The following SLC6A3 variants were observed in gnomAD, a reference collection of about 807,000 sequenced individuals.
SLC6A3 encodes solute carrier family 6 member 3.
SLC6A3 carries 19 observed loss-of-function variants against 70.4 expected under a neutral mutation model. That is an observed-to-expected ratio of 0.27 (90% confidence interval 0.19 to 0.40). The LOEUF (loss-of-function observed/expected upper bound fraction) is 0.40, where lower values mean the gene tolerates loss of function less well. SLC6A3 is among the 10% of genes least tolerant of loss of function. The pLI, the probability that SLC6A3 is intolerant of heterozygous loss-of-function variation, is 1.00. For synonymous variants in SLC6A3, 368 were observed against 356.6 expected (o/e 1.03, Z -0.36); for missense variants, 613 against 838.5 (o/e 0.73, Z 3.32).
At position 1,402,806 on chromosome 5, in the gene SLC6A3, G is replaced by T. The variant is rs1755880686; in HGVS notation, c.1767+116C>A. On this transcript the variant is annotated intron_variant, in intron 13 of 14. Transcript: ENST00000270349. This position sits in a 1 kb window ranked among gnomAD's most constrained non-coding sequence, Gnocchi z 8.5. ...CACAGTGTTGTGGTGGCCACCTCCA[G>T]TCTCCTCCTCTTGGTCACAGATGAC... The T allele has an allele frequency of 2.8e-6, 3 of 1,082,870 alleles. No homozygotes were observed. The highest frequency in any genetic ancestry group is 3.1e-5 in the African/African-American group (2 of 63,902). 67.1% of individuals were successfully genotyped at this position (1,082,870 alleles called of 1,614,324 possible).
intron 14 of SLC6A3, among the ~76,000 whole-genome samples, chr5:1,400,150 G>T (rs565418711): frequency 1.5e-4 from 23 of 152,346 alleles, no homozygotes; most frequent in African/African-American, 5.5e-4. Context: ...ATGGAATCAG[G>T]TCGGGGCTGA....
chr5:1,401,038 G>T lies in SLC6A3; in HGVS notation c.1768-52C>A. Reference sequence around the variant, plus strand: ...CAGTGCAGACCAGTACCCACTGCCAGCACCCACCACTGACTCACACTGCCA... The same window carrying T: ...CAGTGCAGACCAGTACCCACTGCCATCACCCACCACTGACTCACACTGCCA... On this transcript the variant is annotated intron_variant, in intron 13 of 14. Coordinates refer to ENST00000270349, the MANE Select transcript of SLC6A3 (RefSeq NM_001044.5). This position sits in a 1 kb window ranked among gnomAD's most constrained non-coding sequence, Gnocchi z 6.1. The T allele has an allele frequency of 7.3e-7, 1 of 1,365,536 alleles. No homozygotes were observed. Among genetic ancestry groups the T allele is most frequent in the Non-Finnish European group, 1.0e-6 (1 of 973,448 alleles). The allele number at this position is 1,365,536 out of a possible 1,614,324, so 84.6% of individuals were successfully genotyped here.
chr5:1,444,893 G>C (rs963355624), intron 1 of SLC6A3, among the ~76,000 whole-genome samples: 1 of 152,126 alleles, frequency 6.6e-6, no homozygotes, highest in South Asian at 2.1e-4. Context: ...GCACCAGCGC[G>C]CAGCCCGCGC....
chr5:1,425,169 A>G (rs372103284), intron 4 of SLC6A3, among the ~76,000 whole-genome samples: 34 of 152,318 alleles, frequency 2.2e-4, no homozygotes, highest in African/African-American at 7.9e-4. Context: ...ATTCCTGGCC[A>G]TGATTCAATT....
chr5:1,405,437 A>T lies in SLC6A3; in HGVS notation c.1599+751T>A, dbSNP rs1755949542. Among the ~76,000 whole-genome samples the T allele has an allele frequency of 6.6e-6, 1 of 151,944 alleles. No individual in the cohort carries two copies. Among genetic ancestry groups the T allele is most frequent in the Non-Finnish European group, 1.5e-5 (1 of 67,964 alleles). On this transcript the variant is annotated intron_variant, in intron 12 of 14. Coordinates refer to ENST00000270349, the MANE Select transcript of SLC6A3 (RefSeq NM_001044.5). The surrounding 1 kb of genome is among the most constrained non-coding windows in gnomAD (Gnocchi z 5.3). ...AGTCCCCTGCCCTGTTCCAGTCCCCACCTCGTGCCTGCTGGACTCGGGAGG... is the reference window on the plus strand; with the variant it reads ...AGTCCCCTGCCCTGTTCCAGTCCCCTCCTCGTGCCTGCTGGACTCGGGAGG...
intron 2 of SLC6A3, among the ~76,000 whole-genome samples, chr5:1,441,916 C>T (rs1733682082): frequency 6.6e-6 from 1 of 152,182 alleles, no homozygotes; most frequent in Non-Finnish European, 1.5e-5. Flanking sequence ...GTGGGCCCTG[C>T]CGTCCTGTCC....
chr5:1,411,313 G>C lies in SLC6A3; in HGVS notation c.1199C>G (p.Thr400Arg). Residue 400 changes from threonine (T) to arginine (R), a missense_variant, in exon 9 of 15, where the codon ACG becomes AGG. Thr to Arg is a moderately conservative substitution (Grantham distance 71). This residue lies in a region of SLC6A3 where 348 missense variants were observed against 481.2 expected (regional missense o/e 0.72). Coordinates refer to ENST00000270349, the MANE Select transcript of SLC6A3 (RefSeq NM_001044.5). This position sits in a 1 kb window ranked among gnomAD's most constrained non-coding sequence, Gnocchi z 6.5. ...IFIIYPEAIA[T>R]LPLSSAWAVV... ...GGCCCAGGCTGAGGACAGAGGGAGC[G>C]TGGCGATGGCTTCCGGGTAGATGAT... 1 of 1,554,176 alleles carries C rather than the reference G, an allele frequency of 6.4e-7. No individual in the cohort carries two copies. The highest frequency in any genetic ancestry group is 8.7e-7 in the Non-Finnish European group (1 of 1,148,714).
intron 4 of SLC6A3, among the ~76,000 whole-genome samples, chr5:1,425,354 T>C (rs1322525898): frequency 6.6e-6 from 1 of 152,228 alleles, no homozygotes; most frequent in Non-Finnish European, 1.5e-5. Flanking sequence ...TAACTTCCTA[T>C]TAGAACAAAT....
Position 1,393,189 on chromosome 5 carries a change from GCCATGACTGGCCCTGCACGGCCC to G in SLC6A3, c.*1523_*1545del, listed in dbSNP as rs1755622159. The stretch of plus-strand genomic sequence containing the variant: ...AGCCCACGTCCACTTGCAGGGGACA[GCCATGACTGGCCCTGCACGGCCC>G]CTGCCCTCGGGCAGCACGTAGGCAG... On this transcript the variant is annotated 3_prime_UTR_variant, in exon 15 of 15. Coordinates refer to ENST00000270349, the MANE Select transcript of SLC6A3 (RefSeq NM_001044.5). 6.6e-6 allele frequency: 1 copy of G among 152,224 alleles called. No individual in the cohort carries two copies. Among genetic ancestry groups the G allele is most frequent in the Non-Finnish European group, 1.5e-5 (1 of 68,050 alleles). 9.4% of individuals were successfully genotyped at this position (152,224 alleles called of 1,614,324 possible). A position where few individuals can be genotyped will look rare whatever the true frequency, so the allele number is the denominator to read the frequency against.
At chr5:1,429,184 T>A (rs1756639709) in intron 4 of SLC6A3, among the ~76,000 whole-genome samples, 1 of 152,204 alleles carries the variant, frequency 6.6e-6, no homozygotes, top group South Asian at 2.1e-4. Context: ...CCTGAGTACG[T>A]TATGACTGTC....
rs1169993305 is a variant in SLC6A3, at chr5:1,441,458, C to A, written c.319G>T (p.Val107Phe). The A allele has an allele frequency of 6.2e-7, 1 of 1,614,220 alleles. No homozygotes were observed. The highest frequency in any genetic ancestry group is 8.5e-7 in the Non-Finnish European group (1 of 1,180,024). The change falls in exon 3 of 15, where the codon GTC becomes TTC. Residue 107 changes from valine (V) to phenylalanine (F), a missense_variant. Val to Phe is a conservative substitution (Grantham distance 50, BLOSUM62 -1). Around this residue, in one of 4 missense-constraint regions of SLC6A3, gnomAD observed 153 missense variants for 249.4 expected, o/e 0.61. Transcript: ENST00000270349. ...TAGAAAAGTGGCATCCCAGCAATGA[C>A]CATGAAGAGCAGGTAGGGGACCAGG... ...AFLVPYLLFMVIAGMPLFYME... is the reference protein window; with the variant it reads ...AFLVPYLLFMFIAGMPLFYME...
chr5:1,411,236 T>A lies in SLC6A3; in HGVS notation c.1269+7A>T, dbSNP rs1756115146. 1.9e-6 allele frequency: 3 copies of A among 1,540,158 alleles called. No individual in the cohort carries two copies. Among genetic ancestry groups the A allele is most frequent in the Non-Finnish European group, 2.6e-6 (3 of 1,137,522 alleles). On this transcript the variant is annotated splice_region_variant and intron_variant, in intron 9 of 14. Transcript: ENST00000270349. This position sits in a 1 kb window ranked among gnomAD's most constrained non-coding sequence, Gnocchi z 6.5. Reference sequence around the variant, plus strand: ...GAGGACAGGGCCGGGCGGTGCGGGTTACTCACGGCGCTGTCGATACCCAGG... The same window carrying A: ...GAGGACAGGGCCGGGCGGTGCGGGTAACTCACGGCGCTGTCGATACCCAGG...
At chr5:1,423,852 G>T (rs1049811464) in intron 4 of SLC6A3, among the ~76,000 whole-genome samples, 1 of 152,234 alleles carries the variant, frequency 6.6e-6, no homozygotes, top group Admixed American at 6.5e-5. Context: ...CAGAAGCCGC[G>T]TTATGAAAGG....
chr5:1,434,578 C>G (rs1756784732), intron 3 of SLC6A3, among the ~76,000 whole-genome samples: 1 of 152,072 alleles, frequency 6.6e-6, no homozygotes. Flanking sequence ...GGCACCATCA[C>G]GTTCTTGCTA....
In SLC6A3 at chr5:1,397,074, C is replaced by T. The variant is rs1018175186; in HGVS notation, c.1840-2316G>A. On this transcript the variant is annotated intron_variant, in intron 14 of 14. Transcript: ENST00000270349. This position sits in a 1 kb window ranked among gnomAD's most constrained non-coding sequence, Gnocchi z 4.7. ...ATAAGATGCGTTACTCAACTGTGCA[C>T]CTAAGATTCAAATGAAAACAAAATC... Among the ~76,000 whole-genome samples the T allele has an allele frequency of 2.6e-5, 4 of 152,060 alleles. No homozygotes were observed. The highest frequency in any genetic ancestry group is 7.2e-5 in the African/African-American group (3 of 41,410).
intron 7 of SLC6A3, 110 bp downstream of exon 7, chr5:1,415,988 C>T (rs568552119): frequency 2.3e-5 from 19 of 817,846 alleles, no homozygotes; most frequent in Admixed American, 5.8e-5. Context: ...CACAGGTTTG[C>T]GGGTTCAGTG....
chr5:1,429,733 C>T (rs770903399), intron 4 of SLC6A3, among the ~76,000 whole-genome samples: 7 of 152,330 alleles, frequency 4.6e-5, no homozygotes, highest in Non-Finnish European at 8.8e-5. Flanking sequence ...GGCACCTCTG[C>T]GGCCACTGCC....
At chr5:1,443,454 C>T (rs1397686605) in intron 1 of SLC6A3, among the ~76,000 whole-genome samples, 1 of 152,164 alleles carries the variant, frequency 6.6e-6, no homozygotes, top group Non-Finnish European at 1.5e-5. Context: ...GGGCACTGGC[C>T]CATGGAGGCC....
intron 4 of SLC6A3, among the ~76,000 whole-genome samples, chr5:1,431,270 G>C (rs928280761): frequency 6.6e-6 from 1 of 152,252 alleles, no homozygotes; most frequent in African/African-American, 2.4e-5. Flanking sequence ...CAGGCCATTG[G>C]TGACGAGGGA....
Sources: gnomAD v4.1 joint callset for allele counts (sites outside exome capture counted in the v4.1 genomes callset) on GRCh38, gnomAD v4.1.1 for gene constraint, gnomAD v4.1.1 regional missense constraint, Gnocchi (gnomAD v3.1) non-coding constraint, MANE v1.5 for transcripts, NCBI Gene and HGNC (gene_info 2026-07-23, HGNC 2026-07-21) for gene names.